The following FBXO34 variants were observed in gnomAD, a reference collection of about 807,000 sequenced individuals.
FBXO34 encodes the protein F-box only protein 34.
FBXO34 carries 12 observed loss-of-function variants against 24.5 expected under a neutral mutation model. The observed-to-expected ratio is 0.49, with a 90% CI of 0.31 to 0.79. FBXO34 has a LOEUF of 0.79. Among genes scored for constraint, FBXO34 ranks in the 30% least tolerant of loss-of-function variants. The pLI is 0.04. For synonymous variants in FBXO34, 320 were observed against 311.9 expected, an observed-to-expected ratio of 1.03 and a Z score of -0.27; for missense variants, 823 against 857.7, an observed-to-expected ratio of 0.96 and a Z score of 0.51.
chr14:55,361,835 C>T (rs1201873643), exon 4 of FBXO34: 1 of 152,196 alleles, frequency 6.6e-6, no homozygotes, highest in African/African-American at 2.4e-5. Flanking sequence ...AGAGATAGGG[C>T]GTTGTTCTGG....
chr14:55,332,251 C>T (rs1241241095), intron 1 of FBXO34, among the ~76,000 whole-genome samples: 3 of 151,874 alleles, frequency 2.0e-5, no homozygotes, highest in East Asian at 3.9e-4. Context: ...GGTGTTAAAT[C>T]GTTAGTAAAT....
At position 55,352,867 on chromosome 14, in the gene FBXO34, G is replaced by A. The variant is rs981339200; in HGVS notation, c.*341G>A. On this transcript the variant is annotated 3_prime_UTR_variant, in exon 2 of 2. Transcript: ENST00000313833. ...TTCAGAAGAGTTCACTGCAGATGCT[G>A]CAGGTAGTCCTCAAAAATGGGTTCC... is the stretch of plus-strand genomic sequence containing the variant. 9.2e-6 allele frequency: 2 copies of A among 217,148 alleles called. No homozygotes were observed. The highest frequency in any genetic ancestry group is 2.0e-5 in the Non-Finnish European group (2 of 100,438). 13.5% of individuals were successfully genotyped at this position (217,148 alleles called of 1,614,324 possible).
At chr14:55,354,331 CCTT>C (rs1884487604), downstream of FBXO34, among the ~76,000 whole-genome samples, 1 of 152,148 alleles carries the variant, frequency 6.6e-6, no homozygotes. Context: ...CTCAGTAGTG[CCTT>C]CTTAATTGGT....
At chr14:55,380,789 T>A in the FBXO34 span, 3 of 708,956 alleles carry the variant, frequency 4.2e-6, no homozygotes, top group Non-Finnish European at 6.7e-6. Context: ...ATGATAGCAC[T>A]GTTACGTTTT....
At chr14:55,294,861 T>C (rs188239158) in intron 1 of FBXO34, among the ~76,000 whole-genome samples, 24 of 152,340 alleles carry the variant, frequency 1.6e-4, no homozygotes, top group Admixed American at 1.3e-3. Context: ...TAGTTAATGC[T>C]GTTTGACTTA....
At chr14:55,407,396 T>C in the FBXO34 span, among the ~76,000 whole-genome samples, 1 of 152,204 alleles carries the variant, frequency 6.6e-6, no homozygotes, top group African/African-American at 2.4e-5. Flanking sequence ...CCCAAAGTGC[T>C]GGGATTACAG....
chr14:55,386,085 G>A, the FBXO34 span: 1 of 1,608,434 alleles, frequency 6.2e-7, no homozygotes, highest in African/African-American at 1.3e-5. Context: ...GTTTTGAGAA[G>A]GCCTTCAGAA....
the FBXO34 span, chr14:55,411,925 A>AAGGGGGGCT: frequency 1.8e-6 from 2 of 1,136,222 alleles, no homozygotes; most frequent in Non-Finnish European, 2.5e-6. Context: ...GATGCCGGCG[A>AAGGGGGGCT]GCCCCCGGAC....
At chr14:55,384,834 C>G in the FBXO34 span, among the ~76,000 whole-genome samples, 1 of 152,296 alleles carries the variant, frequency 6.6e-6, no homozygotes, top group Middle Eastern at 3.4e-3. Context: ...CGGAAGCCTT[C>G]GGTAGTAGTT....
the FBXO34 span, among the ~76,000 whole-genome samples, chr14:55,397,943 C>CTTTT: frequency 5.1e-4 from 54 of 105,534 alleles, no homozygotes; most frequent in Admixed American, 7.2e-4. Flanking sequence ...TGCAGTAATT[C>CTTTT]TTTTTTTTTT....
chr14:55,278,617 A>G (rs568447300), intron 1 of FBXO34, among the ~76,000 whole-genome samples: 14 of 152,356 alleles, frequency 9.2e-5, no homozygotes, highest in African/African-American at 3.1e-4. Flanking sequence ...GAAAATACAT[A>G]GGACTACTGT....
At chr14:55,390,871 G>T in the FBXO34 span, 1 of 1,371,772 alleles carries the variant, frequency 7.3e-7, no homozygotes, top group Non-Finnish European at 1.0e-6. Flanking sequence ...TTCCACATAG[G>T]CACTTTCTAG....
the FBXO34 span, chr14:55,436,891 T>A: frequency 1.9e-6 from 3 of 1,614,104 alleles, no homozygotes; most frequent in Non-Finnish European, 2.5e-6. Flanking sequence ...AGATGAGAAA[T>A]CACCAGATGT....
chr14:55,324,400 T>C (rs1883272718), intron 1 of FBXO34, among the ~76,000 whole-genome samples: 1 of 152,192 alleles, frequency 6.6e-6, no homozygotes, highest in African/African-American at 2.4e-5. Flanking sequence ...CTATAAACAT[T>C]TGTATATAAT....
intron 1 of FBXO34, among the ~76,000 whole-genome samples, chr14:55,308,407 C>A (rs1297463109): frequency 6.6e-6 from 1 of 152,170 alleles, no homozygotes; most frequent in Non-Finnish European, 1.5e-5. Flanking sequence ...TCCAATTTCT[C>A]ATGTAATTTA....
chr14:55,431,368 T>G, the FBXO34 span, among the ~76,000 whole-genome samples: 1 of 152,236 alleles, frequency 6.6e-6, no homozygotes, highest in Non-Finnish European at 1.5e-5. Flanking sequence ...GAGCATATTT[T>G]ACAATGAAAG....
the FBXO34 span, chr14:55,395,946 A>C: frequency 6.3e-7 from 1 of 1,593,580 alleles, no homozygotes. Context: ...TTACCAACTG[A>C]TCTGTTATCC....
At chr14:55,371,897 G>A (rs189090834), downstream of FBXO34, among the ~76,000 whole-genome samples, 14 of 152,208 alleles carry the variant, frequency 9.2e-5, no homozygotes, top group African/African-American at 3.4e-4. Flanking sequence ...ATTTTGCAAG[G>A]GTGAAAGGAG....
At chr14:55,295,253 T>G (rs1882078515) in intron 1 of FBXO34, among the ~76,000 whole-genome samples, 1 of 152,336 alleles carries the variant, frequency 6.6e-6, no homozygotes, top group East Asian at 1.9e-4. Context: ...GGAGGTAGCT[T>G]TCTGCACAGT....
Sources: allele counts gnomAD v4.1 joint callset (sites outside exome capture counted in the v4.1 genomes callset), GRCh38; gene constraint gnomAD v4.1.1; transcripts MANE v1.5; gene names NCBI Gene and HGNC (gene_info 2026-07-23, HGNC 2026-07-21).